Variants in EVX1 observed in about 807,000 individuals in gnomAD.
The protein encoded by EVX1 is even-skipped homeobox 1.
EVX1 carries 19 observed loss-of-function variants against 28.6 expected under a neutral mutation model. The ratio of observed to expected loss-of-function variants is 0.67; its 90% CI spans 0.46 to 0.98. The LOEUF (loss-of-function observed/expected upper bound fraction) is 0.98. EVX1 is among the 50% of genes least tolerant of loss of function. EVX1 has a pLI of 0.00. For synonymous variants in EVX1, 324 were observed against 278.2 expected, an observed-to-expected ratio of 1.16 and a Z score of -1.64; for missense variants, 660 against 583.0, an observed-to-expected ratio of 1.13 and a Z score of -1.36.
chr7:27,246,387 G>A lies in EVX1; in HGVS notation c.1186G>A (p.Ala396Thr), dbSNP rs867878464. Residue 396 changes from alanine to threonine, a missense_variant, in exon 3 of 3, where the codon GCG becomes ACG. Physicochemically the swap from Ala to Thr is moderately conservative, Grantham distance 58. This residue lies in a region of EVX1 where 299 missense variants were observed against 241.3 expected (regional missense o/e 1.24). Transcript: ENST00000496902. ...PSVLSKASSV[A>T]LDQREEVPLT... ...GGTGCTCAGCAAGGCCTCCTCCGTC[G>A]CGCTGGACCAGAGGGAGGAGGTGCC... The A allele has an allele frequency of 6.2e-7, 1 of 1,601,690 alleles. No homozygotes were observed. The highest frequency in any genetic ancestry group is 8.5e-7 in the Non-Finnish European group (1 of 1,178,072).
chr7:27,245,288 C>T lies in EVX1; in HGVS notation c.668C>T (p.Pro223Leu). Residue 223 changes from proline to leucine, a missense_variant, in exon 2 of 3, where the codon CCG becomes CTG. Pro to Leu is a moderately conservative substitution (Grantham distance 98). Transcript: ENST00000496902. Reference sequence around the variant, plus strand: ...GAGCTGGCGGCCGCCCTAAACCTGCCGGAAACCACCATCAAGGTATGCGGG... The same window carrying T: ...GAGCTGGCGGCCGCCCTAAACCTGCTGGAAACCACCATCAAGGTATGCGGG... ...RCELAAALNLPETTIKVWFQN... is the reference protein window; with the variant it reads ...RCELAAALNLLETTIKVWFQN... The T allele has an allele frequency of 6.2e-7, 1 of 1,613,330 alleles. No individual in the cohort carries two copies. Among genetic ancestry groups the T allele is most frequent in the Non-Finnish European group, 8.5e-7 (1 of 1,180,036 alleles).
At position 27,246,368 on chromosome 7, in the gene EVX1, C is replaced by T. The variant is rs760190136; in HGVS notation, c.1167C>T (p.Leu389=). The T allele has an allele frequency of 6.2e-7, 1 of 1,603,384 alleles. No homozygotes were observed. The highest frequency in any genetic ancestry group is 1.7e-5 in the Admixed American group (1 of 59,838). ...DSFLTFAPSV[L]SKASSVALDQ... is the part of the protein sequence containing the mutation. ...TCCTCACCTTCGCGCCCTCGGTGCT[C>T]AGCAAGGCCTCCTCCGTCGCGCTGG... Residue 389 remains leucine (L), a synonymous_variant, in exon 3 of 3, where the codon CTC becomes CTT. Transcript: ENST00000496902.
At position 27,246,331 on chromosome 7, in the gene EVX1, G is replaced by T. The variant is rs955983329; in HGVS notation, c.1130G>T (p.Arg377Leu). Residue 377 changes from arginine to leucine, a missense_variant, in exon 3 of 3, where the codon CGC becomes CTC. Transcript: ENST00000496902. ...GACTTCACCTGTGCCTCCACCTCCC[G>T]CTCGGACTCCTTCCTCACCTTCGCG... is the stretch of plus-strand genomic sequence containing the variant. ...ASDFTCASTS[R>L]SDSFLTFAPS... The T allele has an allele frequency of 8.8e-6, 14 of 1,598,650 alleles. No homozygotes were observed. The highest frequency in any genetic ancestry group is 2.7e-5 in the African/African-American group (2 of 74,566).
At chr7:27,243,717 C>G in intron 1 of EVX1, 1 of 428,548 alleles carries the variant, frequency 2.3e-6, no homozygotes. Flanking sequence ...GGATTCGAAG[C>G]TCACCCCAAG....
At chr7:27,244,409 A>G (rs193117117) in intron 1 of EVX1, 11 of 818,008 alleles carry the variant, frequency 1.3e-5, no homozygotes, top group Non-Finnish European at 1.6e-5. Context: ...CTTGGCAGCC[A>G]ACGCCTTGTT....
Position 27,243,399 on chromosome 7 carries a change from C to T in EVX1, c.369C>T (p.Ile123=), listed in dbSNP as rs1180329380. 1.2e-6 allele frequency: 2 copies of T among 1,612,030 alleles called. No homozygotes were observed. The highest frequency in any genetic ancestry group is 1.7e-5 in the Admixed American group (1 of 59,930). Residue 123 remains isoleucine, a synonymous_variant, in exon 1 of 3, where the codon ATC becomes ATT. Transcript: ENST00000496902. ...CCGAGTCGGATTTCTATGAAGAAATCGAGGTGAGCTGCACCCCGGACTGCG... is the reference window on the plus strand; with the variant it reads ...CCGAGTCGGATTTCTATGAAGAAATTGAGGTGAGCTGCACCCCGGACTGCG... ...SDTESDFYEE[I]EVSCTPDCAT...
At chr7:27,244,518 GGTAATAAATAA>G (rs1783117579) in intron 1 of EVX1, 1 of 989,198 alleles carries the variant, frequency 1.0e-6, no homozygotes, top group African/African-American at 1.7e-5. Context: ...CATATACTAA[GGTAATAAATAA>G]GATACTCAAC....
rs541750417 is a variant in EVX1 at position 27,246,301 on chromosome 7, C to T, written c.1100C>T (p.Ala367Val). The T allele has an allele frequency of 2.8e-4, 445 of 1,588,138 alleles. 7 individuals are homozygous for T. In the Middle Eastern group the frequency reaches 4.7e-3, roughly 17 times the overall value. Residue 367 changes from alanine (A) to valine (V), a missense_variant, in exon 3 of 3, where the codon GCC becomes GTC. Physicochemically the swap from Ala to Val is moderately conservative, Grantham distance 64. Around this residue, in one of 3 missense-constraint regions of EVX1, gnomAD observed 299 missense variants for 241.3 expected, o/e 1.24. Coordinates refer to ENST00000496902, the MANE Select transcript of EVX1 (RefSeq NM_001989.5). Reference sequence around the variant, plus strand: ...GGGCTGGCGCCCCGGGCTGCCGCCGCCTCGGACTTCACCTGTGCCTCCACC... The same window carrying T: ...GGGCTGGCGCCCCGGGCTGCCGCCGTCTCGGACTTCACCTGTGCCTCCACC... ...ANGLAPRAAA[A>V]SDFTCASTSR...
chr7:27,243,509 A>T (rs757575772), intron 1 of EVX1, 52 bp downstream of exon 1: 4 of 1,519,546 alleles, frequency 2.6e-6, no homozygotes, highest in Non-Finnish European at 3.5e-6. Flanking sequence ...CCCACCCTTC[A>T]CTTCGGCGCA....
In EVX1 at chr7:27,246,471, C is replaced by A. The variant is rs1323094323; in HGVS notation, c.*46C>A. 3 of 1,541,090 alleles carry A rather than the reference C, an allele frequency of 1.9e-6. No homozygotes were observed. Among genetic ancestry groups the A allele is most frequent in the Non-Finnish European group, 2.6e-6 (3 of 1,147,728 alleles). ...GGCTCCATGACGCCCGTGGGGTCACCCCCCGGCCCCGGGACTCAGCCAGCC... is the reference window on the plus strand; with the variant it reads ...GGCTCCATGACGCCCGTGGGGTCACACCCCGGCCCCGGGACTCAGCCAGCC... On this transcript the variant is annotated 3_prime_UTR_variant, in exon 3 of 3. Transcript: ENST00000496902.
At position 27,245,275 on chromosome 7, in the gene EVX1, G is replaced by A. The variant is rs1206832656; in HGVS notation, c.655G>A (p.Ala219Thr). The change falls in exon 2 of 3, where the codon GCC (alanine) becomes ACC (threonine). Residue 219 changes from alanine (A) to threonine (T), a missense_variant. Coordinates refer to ENST00000496902, the MANE Select transcript of EVX1 (RefSeq NM_001989.5). ...GCCGCGGAGATGTGAGCTGGCGGCC[G>A]CCCTAAACCTGCCGGAAACCACCAT... ...SRPRRCELAAALNLPETTIKV... is the reference protein window; with the variant it reads ...SRPRRCELAATLNLPETTIKV... 4 of 1,613,344 alleles carry A rather than the reference G, an allele frequency of 2.5e-6. No homozygotes were observed. The highest frequency in any genetic ancestry group is 3.4e-6 in the Non-Finnish European group (4 of 1,180,030).
chr7:27,244,493 C>T, intron 1 of EVX1: 1 of 988,302 alleles, frequency 1.0e-6, no homozygotes, highest in Non-Finnish European at 1.2e-6. Flanking sequence ...CTCAGAACAA[C>T]CTGGACTCCA....
chr7:27,244,997 C>CGG (rs1266103241), intron 1 of EVX1, 51 bp from the exon 2 acceptor site: 22 of 1,575,418 alleles, frequency 1.4e-5, no homozygotes, highest in Non-Finnish European at 1.8e-5. Flanking sequence ...ACTTCAATGG[C>CGG]GTTTGTGTGT....
chr7:27,245,420 G>T, intron 2 of EVX1, 116 bp downstream of exon 2: 1 of 1,434,098 alleles, frequency 7.0e-7, no homozygotes, highest in South Asian at 1.3e-5. Context: ...CTCCCTGCCC[G>T]GCGCGTGCAG....
At position 27,245,275 on chromosome 7, in the gene EVX1, G is replaced by T. The variant is rs1206832656; in HGVS notation, c.655G>T (p.Ala219Ser). ...GCCGCGGAGATGTGAGCTGGCGGCC[G>T]CCCTAAACCTGCCGGAAACCACCAT... The part of the protein sequence containing the change: ...SRPRRCELAA[A>S]LNLPETTIKV... Residue 219 changes from alanine to serine, a missense_variant, in exon 2 of 3, where the codon GCC (alanine) becomes TCC (serine). By Grantham distance (99) the Ala-to-Ser change is moderately conservative. Coordinates refer to ENST00000496902, the MANE Select transcript of EVX1 (RefSeq NM_001989.5). The T allele has an allele frequency of 1.2e-6, 2 of 1,613,344 alleles. No homozygotes were observed. The highest frequency in any genetic ancestry group is 1.7e-6 in the Non-Finnish European group (2 of 1,180,030).
At chr7:27,244,963 C>T in intron 1 of EVX1, 85 bp from the exon 2 acceptor site, 1 of 1,529,046 alleles carries the variant, frequency 6.5e-7, no homozygotes, top group Non-Finnish European at 8.8e-7. Flanking sequence ...CCAAATCACC[C>T]TCCCACCTTA....
Position 27,243,099 on chromosome 7 carries a change from A to G in EVX1, c.69A>G (p.Arg23=). Residue 23 remains arginine (R), a synonymous_variant, in exon 1 of 3, where the codon AGA becomes AGG. Coordinates refer to ENST00000496902, the MANE Select transcript of EVX1 (RefSeq NM_001989.5). ...AGCTTGGCACTCTGGTTGGCAAGAG[A>G]GTCTCAAATTTGTCCGAAGCCGTGG... ...GGQLGTLVGK[R]VSNLSEAVGS... 2 of 1,612,372 alleles carry G rather than the reference A, an allele frequency of 1.2e-6. No individual in the cohort carries two copies. The highest frequency in any genetic ancestry group is 1.7e-6 in the Non-Finnish European group (2 of 1,179,362).
rs758781357 is a variant in EVX1 at position 27,246,221 on chromosome 7, C to A, written c.1020C>A (p.Gly340=). 2 of 1,514,606 alleles carry A rather than the reference C, an allele frequency of 1.3e-6. No individual in the cohort carries two copies. The highest frequency in any genetic ancestry group is 8.8e-7 in the Non-Finnish European group (1 of 1,140,170). 93.8% of individuals were successfully genotyped at this position (1,514,606 alleles called of 1,614,324 possible). The change falls in exon 3 of 3, where the codon GGC becomes GGA. Residue 340 remains glycine (G), a synonymous_variant. Transcript: ENST00000496902. ...PLYPGPAHGL[G]ASAGGPCSCL... is the part of the protein sequence containing the mutation. The stretch of plus-strand genomic sequence containing the variant: ...ACCCCGGGCCCGCGCACGGACTGGG[C>A]GCCTCTGCCGGCGGCCCCTGCTCCT...
intron 1 of EVX1, chr7:27,244,543 C>T: frequency 1.0e-6 from 1 of 968,466 alleles, no homozygotes; most frequent in Non-Finnish European, 1.2e-6. Flanking sequence ...ACTCAACATG[C>T]ATTCTCACTC....
Sources: allele counts gnomAD v4.1 joint callset, GRCh38; gene constraint gnomAD v4.1.1; regional missense constraint gnomAD v4.1.1; transcripts MANE v1.5; gene names NCBI Gene and HGNC (gene_info 2026-07-23, HGNC 2026-07-21).